APC: variants seen among roughly 807,000 people sequenced by gnomAD.
APC encodes the protein APC regulator of Wnt signaling pathway.
APC carries 72 observed loss-of-function variants against 247.0 expected under a neutral mutation model. The ratio of observed to expected loss-of-function variants is 0.29; its 90% CI spans 0.24 to 0.35. The LOEUF (loss-of-function observed/expected upper bound fraction) is 0.35, where lower values mean the gene tolerates loss of function less well. Ranked by LOEUF, APC falls within the 10% of genes least tolerant of loss-of-function variation. APC has a pLI of 1.00. For synonymous variants in APC, 1,254 were observed against 1,162.5 expected (o/e 1.08, Z -1.60); for missense variants, 3,400 against 3,360.7 (o/e 1.01, Z -0.29).
At chr5:112,773,235 C>T (rs762825562) in intron 4 of APC, among the ~76,000 whole-genome samples, 1 of 152,172 alleles carries the variant, frequency 6.6e-6, no homozygotes, top group Admixed American at 6.5e-5. Context: ...GAACCTTCCA[C>T]ATACTCACTA....
Position 112,821,981 on chromosome 5 carries a change from G to A in APC, c.1398G>A (p.Met466Ile), listed in dbSNP as rs878853417. The A allele has an allele frequency of 5.0e-6, 8 of 1,608,458 alleles. No individual in the cohort carries two copies. Among genetic ancestry groups the A allele is most frequent in the Non-Finnish European group, 6.8e-6 (8 of 1,175,472 alleles). ...TTGATGAAGAGCATAGACATGCAAT[G>A]AATGAACTAGGTAAGACAAAAATGT... ...LSFDEEHRHA[M>I]NELGGLQAIA... The change falls in exon 11 of 16, where the codon ATG becomes ATA. Residue 466 changes from methionine to isoleucine, a missense_variant. By Grantham distance (10) the Met-to-Ile change is conservative. Transcript: ENST00000257430.
intron 4 of APC, among the ~76,000 whole-genome samples, chr5:112,772,359 T>A (rs1441150639): frequency 6.6e-6 from 1 of 152,180 alleles, no homozygotes; most frequent in Non-Finnish European, 1.5e-5. Flanking sequence ...TCATTTTAGC[T>A]GAAGACACTA....
intron 6 of APC, among the ~76,000 whole-genome samples, chr5:112,781,742 T>G (rs1232122012): frequency 6.6e-6 from 1 of 152,028 alleles, no homozygotes; most frequent in Non-Finnish European, 1.5e-5. Flanking sequence ...ATTTTTTTTG[T>G]GACACTTCCT....
intron 2 of APC, among the ~76,000 whole-genome samples, chr5:112,760,798 C>G (rs1755561505): frequency 6.6e-6 from 1 of 151,738 alleles, no homozygotes; most frequent in African/African-American, 2.4e-5. Context: ...AAAATTGCAA[C>G]TAGGTCTCAA....
intron 1 of APC, among the ~76,000 whole-genome samples, chr5:112,749,910 TG>T (rs1309260610): frequency 3.3e-5 from 5 of 151,604 alleles, no homozygotes; most frequent in African/African-American, 4.8e-5. Flanking sequence ...CATACTTAGT[TG>T]TTTTTTTTTT....
At chr5:112,709,472 C>T (rs1232838145) in intron 1 of APC, among the ~76,000 whole-genome samples, 1 of 152,180 alleles carries the variant, frequency 6.6e-6, no homozygotes, top group Non-Finnish European at 1.5e-5. Context: ...CTGGTTGTCT[C>T]TGAATTCTCT....
intron 1 of APC, among the ~76,000 whole-genome samples, chr5:112,726,608 TC>T (rs1751797508): frequency 6.6e-6 from 1 of 152,108 alleles, no homozygotes; most frequent in Non-Finnish European, 1.5e-5. Flanking sequence ...GAATGCCTCT[TC>T]CTATTTAGGG....
At chr5:112,755,271 T>G (rs1332409717) in intron 2 of APC, among the ~76,000 whole-genome samples, 1 of 152,208 alleles carries the variant, frequency 6.6e-6, no homozygotes, top group Non-Finnish European at 1.5e-5. Flanking sequence ...TTTTTAAGAT[T>G]AAAGAGAAGA....
In APC at chr5:112,738,454, G is replaced by A. The variant is rs1752590252; in HGVS notation, c.-19+529G>A. 3 of 985,790 alleles carry A rather than the reference G, an allele frequency of 3.0e-6. No individual in the cohort carries two copies. The highest frequency in any genetic ancestry group is 3.6e-6 in the Non-Finnish European group (3 of 830,128). 61.1% of individuals were successfully genotyped at this position (985,790 alleles called of 1,614,324 possible). On this transcript the variant is annotated intron_variant, in intron 1 of 15. Transcript: ENST00000257430. ...CTACTGGGGATGAGAGAAAGAGGAG[G>A]AGGCAGGTACTGCAGAGCGTGAGTG...
rs1554083170 is a variant in APC, at chr5:112,835,064, T to C, written c.1857T>C (p.Thr619=). ...GTGCACTTGCATTTTTGGTTGGCAC[T>C]CTTACTTACCGGAGCCAGACAAACA... The part of the protein sequence containing the change: ...VDGALAFLVG[T]LTYRSQTNTL... Residue 619 remains threonine, a synonymous_variant, in exon 15 of 16, where the codon ACT becomes ACC. Transcript: ENST00000257430. The C allele has an allele frequency of 6.2e-7, 1 of 1,614,194 alleles. No homozygotes were observed. The highest frequency in any genetic ancestry group is 8.5e-7 in the Non-Finnish European group (1 of 1,180,020).
intron 1 of APC, among the ~76,000 whole-genome samples, chr5:112,731,519 T>A (rs1752098078): frequency 6.6e-6 from 1 of 152,136 alleles, no homozygotes; most frequent in African/African-American, 2.4e-5. Context: ...TTACTGAGGG[T>A]GGAACGTGAA....
At chr5:112,749,966 T>TG in intron 1 of APC, among the ~76,000 whole-genome samples, 1 of 148,274 alleles carries the variant, frequency 6.7e-6, no homozygotes. Flanking sequence ...CTTTTTTTTT[T>TG]TGTTTTTTTT....
rs771718185 is a variant in APC, at chr5:112,839,663, G to A, written c.4069G>A (p.Gly1357Arg). 1 of 1,614,080 alleles carries A rather than the reference G, an allele frequency of 6.2e-7. No homozygotes were observed. The highest frequency in any genetic ancestry group is 1.7e-5 in the Admixed American group (1 of 60,010). Residue 1357 changes from glycine (G) to arginine (R), a missense_variant, in exon 16 of 16, where the codon GGA becomes AGA. Physicochemically the swap from Gly to Arg is moderately radical, Grantham distance 125. This residue lies in a region of APC where 715 missense variants were observed against 656.6 expected (regional missense o/e 1.09). Transcript: ENST00000257430. This position sits in a 1 kb window ranked among gnomAD's most constrained non-coding sequence, Gnocchi z 5.0. ...GCACAAAGCTGTTGAATTTTCTTCA[G>A]GAGCGAAATCTCCCTCCAAAAGTGG... ...ARHKAVEFSS[G>R]AKSPSKSGAQ... is the part of the protein sequence containing the mutation.
At chr5:112,807,748 A>G (rs529856384) in intron 8 of APC, among the ~76,000 whole-genome samples, 2 of 152,326 alleles carry the variant, frequency 1.3e-5, no homozygotes, top group East Asian at 1.9e-4. Context: ...TCATATCGAC[A>G]TGTAACCTAT....
In APC at chr5:112,837,843, C is replaced by T. The variant is rs759703170; in HGVS notation, c.2249C>T (p.Pro750Leu). 6.2e-7 allele frequency: 1 copy of T among 1,613,960 alleles called. No individual in the cohort carries two copies. The highest frequency in any genetic ancestry group is 2.2e-5 in the East Asian group (1 of 44,866). ...ATTATGTCTCCTGGCTCAAGCTTGC[C>T]ATCTCTTCATGTTAGGAAACAAAAA... ...ANIMSPGSSLPSLHVRKQKAL... is the reference protein window; with the variant it reads ...ANIMSPGSSLLSLHVRKQKAL... Residue 750 changes from proline (P) to leucine (L), a missense_variant, in exon 16 of 16, where the codon CCA becomes CTA. Physicochemically the swap from Pro to Leu is moderately conservative, Grantham distance 98 (BLOSUM62 -3). Transcript: ENST00000257430.
chr5:112,730,559 C>G (rs908250339), intron 1 of APC, among the ~76,000 whole-genome samples: 2 of 152,146 alleles, frequency 1.3e-5, no homozygotes, highest in African/African-American at 4.8e-5. Flanking sequence ...AAATGCCTAA[C>G]GTAATGTTTG....
chr5:112,799,170 CG>C (rs1307165048), intron 7 of APC, among the ~76,000 whole-genome samples: 1 of 115,468 alleles, frequency 8.7e-6, no homozygotes, highest in African/African-American at 3.6e-5. Flanking sequence ...GGTGACAGGG[CG>C]AGACTCTGTC....
Position 112,845,668 on chromosome 5 carries a change from A to G in APC, c.*1542A>G, listed in dbSNP as rs1288260605. The stretch of plus-strand genomic sequence containing the variant: ...TGTGGTAGGTACAGTTCTGGGGTAC[A>G]TGTTAAGTGTCCCCTTATACAGTGG... On this transcript the variant is annotated 3_prime_UTR_variant, in exon 16 of 16. Transcript: ENST00000257430. 4.3e-6 allele frequency: 1 copy of G among 232,082 alleles called. No homozygotes were observed. The highest frequency in any genetic ancestry group is 8.5e-6 in the Non-Finnish European group (1 of 117,390). 14.4% of individuals were successfully genotyped at this position (232,082 alleles called of 1,614,324 possible).
At chr5:112,711,170 G>C (rs1021726567) in intron 1 of APC, among the ~76,000 whole-genome samples, 1 of 152,202 alleles carries the variant, frequency 6.6e-6, no homozygotes, top group Non-Finnish European at 1.5e-5. Context: ...ATTACCACCT[G>C]AGCTCCACCT....
Sources: allele counts gnomAD v4.1 joint callset (sites outside exome capture counted in the v4.1 genomes callset), GRCh38; gene constraint gnomAD v4.1.1; regional missense constraint gnomAD v4.1.1; non-coding constraint Gnocchi (gnomAD v3.1); transcripts MANE v1.5; gene names NCBI Gene and HGNC (gene_info 2026-07-23, HGNC 2026-07-21).